Variants in ANKS1B observed in about 807,000 individuals in gnomAD.
ANKS1B encodes the protein ankyrin repeat and sterile alpha motif domain-containing protein 1B.
A neutral mutation model predicts 148.3 loss-of-function variants in ANKS1B; 36 were observed. The observed-to-expected ratio is 0.24, with a 90% CI of 0.19 to 0.32. The LOEUF is 0.32. Ranked by LOEUF, ANKS1B falls within the 10% of genes least tolerant of loss-of-function variation. The pLI, the probability that ANKS1B is intolerant of heterozygous loss-of-function variation, is 1.00. For missense variants in ANKS1B, 1,157 were observed against 1,542.6 expected (o/e 0.75, Z 4.19); for synonymous variants, 542 against 560.8 (o/e 0.97, Z 0.47).
At chr12:98,745,918 G>A (rs934784609) in intron 26 of ANKS1B, 69 bp from the exon 27 acceptor site, 46 of 1,528,728 alleles carry the variant, frequency 3.0e-5, no homozygotes, top group Non-Finnish European at 3.9e-5. Context: ...CGCGGACGCC[G>A]CTGGCGAACC....
At chr12:99,612,613 C>A (rs1010676347) in intron 9 of ANKS1B, among the ~76,000 whole-genome samples, 1 of 152,054 alleles carries the variant, frequency 6.6e-6, no homozygotes. Context: ...TCTTGCATTA[C>A]CTCATTTCAT....
intron 14 of ANKS1B, among the ~76,000 whole-genome samples, chr12:99,242,085 A>C (rs996902024): frequency 1.3e-5 from 2 of 152,210 alleles, no homozygotes; most frequent in Non-Finnish European, 2.9e-5. Context: ...ATCAATTAGA[A>C]AAAGAGGAAG....
intron 16 of ANKS1B, among the ~76,000 whole-genome samples, chr12:99,059,114 A>G (rs1016645351): frequency 3.9e-5 from 6 of 152,066 alleles, no homozygotes; most frequent in African/African-American, 1.2e-4. Flanking sequence ...CCATTATTCC[A>G]CCGAAAAATC....
At chr12:99,017,626 A>T (rs1022951552) in intron 17 of ANKS1B, among the ~76,000 whole-genome samples, 4 of 152,088 alleles carry the variant, frequency 2.6e-5, no homozygotes, top group African/African-American at 9.7e-5. Context: ...TCCCTAACCA[A>T]TCAGTGGCAC....
In ANKS1B at chr12:99,491,889, T is replaced by C. The variant is rs1370360697; in HGVS notation, c.1438+12587A>G. On this transcript the variant is annotated intron_variant, in intron 10 of 26. Transcript: ENST00000683438. ...AGAGCAAAGATACAACATACCAGAA[T>C]CTCTGGAACACAGCTAAGGCAGTGT... 3.9e-5 allele frequency among the ~76,000 whole-genome samples: 6 copies of C among 152,222 alleles called. No individual in the cohort carries two copies. The East Asian group carries it at 1.2e-3, about 29-fold the overall frequency.
chr12:99,125,509 T>G (rs1196488358), intron 15 of ANKS1B, among the ~76,000 whole-genome samples: 1 of 152,228 alleles, frequency 6.6e-6, no homozygotes. Flanking sequence ...ATTCAAGACC[T>G]TCATTTCCAT....
At position 99,363,478 on chromosome 12, in the gene ANKS1B, G is replaced by A. The variant is rs2092601832; in HGVS notation, c.1756+36153C>T. ...ACAGGCTACCAAGAAATTTAATAAG[G>A]TGAAATTTAGAAGTAATAAAGACAA... is the stretch of plus-strand genomic sequence containing the variant. On this transcript the variant is annotated intron_variant, in intron 12 of 26. Coordinates refer to ENST00000683438, the MANE Select transcript of ANKS1B (RefSeq NM_001352186.2). Among the ~76,000 whole-genome samples the A allele has an allele frequency of 2.0e-5, 3 of 152,030 alleles. No homozygotes were observed. The South Asian group carries it at 6.2e-4, about 32-fold the overall frequency.
intron 8 of ANKS1B, among the ~76,000 whole-genome samples, chr12:99,716,437 C>A (rs150544433): frequency 0.021 from 3,130 of 152,072 alleles, 49 homozygotes; most frequent in Middle Eastern, 0.037. Context: ...TATGGGCAAC[C>A]TTCCACCCTC....
intron 12 of ANKS1B, among the ~76,000 whole-genome samples, chr12:99,327,242 T>C (rs1249897883): frequency 9.2e-6 from 1 of 108,590 alleles, no homozygotes; most frequent in Non-Finnish European, 1.8e-5. Flanking sequence ...ATAATAATTA[T>C]AATTTATTAT....
intron 12 of ANKS1B, among the ~76,000 whole-genome samples, chr12:99,368,070 G>T (rs549085806): frequency 6.6e-6 from 1 of 152,134 alleles, no homozygotes; most frequent in East Asian, 1.9e-4. Context: ...GTGACTTTTG[G>T]CAAAGCATTC....
chr12:99,753,220 A>T (rs2061271865), intron 8 of ANKS1B, among the ~76,000 whole-genome samples: 1 of 152,174 alleles, frequency 6.6e-6, no homozygotes. Flanking sequence ...ATATAAAGAA[A>T]GACTTGAACT....
At position 99,648,704 on chromosome 12, in the gene ANKS1B, T is replaced by C. The variant is rs137864081; in HGVS notation, c.1272+6363A>G. On this transcript the variant is annotated intron_variant, in intron 9 of 26. Coordinates refer to ENST00000683438, the MANE Select transcript of ANKS1B (RefSeq NM_001352186.2). ...CTTGTTTACATCCTGAGACCACCAGTGGAGGCTTACAGTGATACCAGGGCT... is the reference window on the plus strand; with the variant it reads ...CTTGTTTACATCCTGAGACCACCAGCGGAGGCTTACAGTGATACCAGGGCT... The C allele has an allele frequency of 7.7e-4, 1,245 of 1,614,094 alleles. 6 individuals carry two copies. In the Middle Eastern group the frequency reaches 8.6e-3, roughly 11 times the overall value.
intron 17 of ANKS1B, among the ~76,000 whole-genome samples, chr12:98,897,697 C>T (rs1240858086): frequency 6.6e-6 from 1 of 152,058 alleles, no homozygotes; most frequent in Non-Finnish European, 1.5e-5. Context: ...ACCATTCGAC[C>T]CAGCAATCCC....
At chr12:99,700,039 C>T (rs1447683789) in intron 8 of ANKS1B, among the ~76,000 whole-genome samples, 8 of 152,140 alleles carry the variant, frequency 5.3e-5, no homozygotes, top group Admixed American at 5.2e-4. Flanking sequence ...AACCTTCTGA[C>T]TAAATTCATG....
chr12:98,773,767 A>G (rs1258080750), intron 24 of ANKS1B, among the ~76,000 whole-genome samples: 1 of 152,194 alleles, frequency 6.6e-6, no homozygotes, highest in Non-Finnish European at 1.5e-5. Flanking sequence ...CCACTTTAAA[A>G]AATAATAGTA....
At chr12:99,110,260 T>C (rs191653173) in intron 15 of ANKS1B, among the ~76,000 whole-genome samples, 67 of 152,304 alleles carry the variant, frequency 4.4e-4, no homozygotes, top group Non-Finnish European at 6.3e-4. Context: ...ACTGGTCAAT[T>C]ATCCTTTACT....
At chr12:99,690,857 G>C (rs1449798130) in intron 8 of ANKS1B, among the ~76,000 whole-genome samples, 1 of 152,226 alleles carries the variant, frequency 6.6e-6, no homozygotes, top group Admixed American at 6.5e-5. Flanking sequence ...GCCCCAGTGG[G>C]AACTCTGTGT....
chr12:99,548,018 A>C, intron 9 of ANKS1B, among the ~76,000 whole-genome samples: 1 of 152,212 alleles, frequency 6.6e-6, no homozygotes, highest in East Asian at 1.9e-4. Context: ...GATTGACAGT[A>C]ATTATAAACC....
chr12:98,984,837 C>A (rs1210528551), intron 17 of ANKS1B, among the ~76,000 whole-genome samples: 4 of 151,944 alleles, frequency 2.6e-5, no homozygotes, highest in African/African-American at 9.7e-5. Context: ...TAGTGAGACC[C>A]CAACACTGCA....
Sources: gnomAD v4.1 joint callset for allele counts (sites outside exome capture counted in the v4.1 genomes callset) on GRCh38, gnomAD v4.1.1 for gene constraint, MANE v1.5 for transcripts, NCBI Gene and HGNC (gene_info 2026-07-23, HGNC 2026-07-21) for gene names.